Variants in NRXN1 observed in about 807,000 individuals in gnomAD.
The protein encoded by NRXN1 is neurexin 1.
In NRXN1, 39 loss-of-function variants were observed where a neutral mutation model predicts 150.9. That is an observed-to-expected ratio of 0.26 (90% confidence interval 0.20 to 0.34). NRXN1 has a LOEUF of 0.34. Among genes scored for constraint, NRXN1 ranks in the 10% least tolerant of loss-of-function variants. The pLI is 1.00. For synonymous variants in NRXN1, 924 were observed against 757.0 expected (o/e 1.22, Z -3.62); for missense variants, 1,815 against 1,949.9 (o/e 0.93, Z 1.30).
chr2:50,127,701 A>G (rs1254619840), intron 18 of NRXN1, among the ~76,000 whole-genome samples: 1 of 152,144 alleles, frequency 6.6e-6, no homozygotes, highest in Non-Finnish European at 1.5e-5. Flanking sequence ...TATGCTGTAG[A>G]ATGATGATGA....
At chr2:50,708,613 A>C (rs1292787267) in intron 5 of NRXN1, among the ~76,000 whole-genome samples, 1 of 152,122 alleles carries the variant, frequency 6.6e-6, no homozygotes, top group Non-Finnish European at 1.5e-5. Flanking sequence ...CACAGAGGGA[A>C]GACTTATTTT....
intron 5 of NRXN1, among the ~76,000 whole-genome samples, chr2:50,909,926 TAAAGA>T (rs1168700124): frequency 6.6e-6 from 1 of 151,894 alleles, no homozygotes; most frequent in Non-Finnish European, 1.5e-5. Context: ...AAAAATAAAT[TAAAGA>T]AAACATCTCA....
chr2:50,978,108 T>C (rs569071471), intron 2 of NRXN1, among the ~76,000 whole-genome samples: 47 of 150,824 alleles, frequency 3.1e-4, no homozygotes, highest in African/African-American at 9.7e-4. Context: ...TAAATATTCT[T>C]TAACTGTTCC....
At chr2:50,722,187 T>A (rs1009124169) in intron 5 of NRXN1, among the ~76,000 whole-genome samples, 1 of 152,138 alleles carries the variant, frequency 6.6e-6, no homozygotes, top group Non-Finnish European at 1.5e-5. Context: ...CTCCCTATCA[T>A]TTACTGCATT....
At chr2:50,004,977 T>A (rs1158429804) in intron 21 of NRXN1, among the ~76,000 whole-genome samples, 2 of 152,090 alleles carry the variant, frequency 1.3e-5, no homozygotes, top group African/African-American at 4.8e-5. Context: ...ACTTGTGGCA[T>A]CATGAGGGCC....
chr2:50,098,849 T>TGGGTAG (rs1558874712), intron 18 of NRXN1, among the ~76,000 whole-genome samples: 1 of 16,796 alleles, frequency 6.0e-5, no homozygotes, highest in Non-Finnish European at 1.5e-4. Flanking sequence ...TTTTTTTTTT[T>TGGGTAG]TTTTTTTTTT....
intron 8 of NRXN1, among the ~76,000 whole-genome samples, chr2:50,608,531 A>G (rs10186698): frequency 0.59 from 89,605 of 151,916 alleles, 26,924 homozygotes; most frequent in East Asian, 0.78. Context: ...GCTTTTAGTT[A>G]CATGTCCTTG....
intron 15 of NRXN1, among the ~76,000 whole-genome samples, chr2:50,477,499 G>T (rs1201372438): frequency 6.6e-6 from 1 of 152,176 alleles, no homozygotes; most frequent in African/African-American, 2.4e-5. Context: ...AAATGACGCG[G>T]TAGAGATTTC....
At chr2:50,282,734 C>G (rs1162264963) in intron 17 of NRXN1, among the ~76,000 whole-genome samples, 1 of 152,104 alleles carries the variant, frequency 6.6e-6, no homozygotes, top group Non-Finnish European at 1.5e-5. Context: ...GAAAATATGA[C>G]TCAATTCCAA....
intron 5 of NRXN1, among the ~76,000 whole-genome samples, chr2:50,873,099 C>G (rs1214238013): frequency 6.6e-6 from 1 of 151,818 alleles, no homozygotes; most frequent in Non-Finnish European, 1.5e-5. Flanking sequence ...CTAGTTCCAC[C>G]ATTCAGTAGC....
chr2:50,958,521 T>C (rs546068997), intron 2 of NRXN1, among the ~76,000 whole-genome samples: 1 of 152,170 alleles, frequency 6.6e-6, no homozygotes, highest in South Asian at 2.1e-4. Flanking sequence ...TATTTATTGA[T>C]ATTTTTATAG....
chr2:50,278,263 A>T (rs7421521), intron 17 of NRXN1, among the ~76,000 whole-genome samples: 2 of 102,202 alleles, frequency 2.0e-5, no homozygotes, highest in African/African-American at 4.2e-5. Flanking sequence ...TATTATATAT[A>T]TTATATATGT....
At chr2:50,586,477 T>C (rs2103731071) in intron 8 of NRXN1, among the ~76,000 whole-genome samples, 1 of 152,268 alleles carries the variant, frequency 6.6e-6, no homozygotes. Context: ...CCCTATTGTA[T>C]ACCGACCTAT....
intron 18 of NRXN1, among the ~76,000 whole-genome samples, chr2:50,134,405 C>T (rs1022872048): frequency 6.6e-6 from 1 of 151,906 alleles, no homozygotes; most frequent in African/African-American, 2.4e-5. Context: ...TGGTGGATAA[C>T]CAAATAAAAT....
intron 2 of NRXN1, among the ~76,000 whole-genome samples, chr2:51,006,521 T>C (rs985644843): frequency 6.6e-6 from 1 of 151,440 alleles, no homozygotes; most frequent in African/African-American, 2.4e-5. Flanking sequence ...GTTGTGCACA[T>C]GTACCCTAAA....
intron 18 of NRXN1, among the ~76,000 whole-genome samples, chr2:50,171,673 G>T (rs2060039584): frequency 1.3e-5 from 2 of 152,122 alleles, no homozygotes; most frequent in Non-Finnish European, 2.9e-5. Context: ...ATAACTTAGA[G>T]TCTCCACTAA....
chr2:50,019,197 C>T (rs1439758666), intron 21 of NRXN1: 1 of 471,170 alleles, frequency 2.1e-6, no homozygotes, highest in Non-Finnish European at 4.4e-6. Flanking sequence ...GTATTCAGCC[C>T]TAGCCGTCCT....
intron 19 of NRXN1, among the ~76,000 whole-genome samples, chr2:50,068,518 G>A (rs1360771055): frequency 6.6e-6 from 1 of 152,102 alleles, no homozygotes; most frequent in Non-Finnish European, 1.5e-5. Flanking sequence ...TAATTCCTAG[G>A]TTCAAATCTT....
At chr2:50,223,227 C>T (rs1348188363) in intron 18 of NRXN1, among the ~76,000 whole-genome samples, 3 of 151,850 alleles carry the variant, frequency 2.0e-5, no homozygotes, top group Admixed American at 6.6e-5. Flanking sequence ...ATACAGTCTA[C>T]TGAGAAGGAC....
Sources: allele counts gnomAD v4.1 joint callset (sites outside exome capture counted in the v4.1 genomes callset), GRCh38; gene constraint gnomAD v4.1.1; transcripts MANE v1.5; gene names NCBI Gene and HGNC (gene_info 2026-07-23, HGNC 2026-07-21).